PMEL: variants seen among roughly 807,000 people sequenced by gnomAD.
PMEL encodes melanocyte protein PMEL.
A neutral mutation model predicts 64.9 loss-of-function variants in PMEL; 53 were observed. The observed-to-expected ratio is 0.82, with a 90% confidence interval of 0.66 to 1.03. PMEL has a LOEUF of 1.03. PMEL is among the 50% of genes least tolerant of loss of function. PMEL has a pLI of 0.00. For synonymous variants in PMEL, 299 were observed against 316.2 expected (o/e 0.95, Z 0.58); for missense variants, 716 against 814.9 (o/e 0.88, Z 1.48).
At chr12:55,958,395 G>T in intron 4 of PMEL, 78 bp downstream of exon 4, 1 of 1,419,910 alleles carries the variant, frequency 7.0e-7, no homozygotes. Context: ...AGGTGGAAGG[G>T]GCGGCCAAAA....
intron 3 of PMEL, among the ~76,000 whole-genome samples, chr12:55,960,368 G>A: frequency 6.6e-6 from 1 of 151,274 alleles, no homozygotes. Flanking sequence ...TCCACTTTAG[G>A]GACTGTAATT....
In PMEL at chr12:55,954,132, ATAG is replaced by A; in HGVS notation, c.*79_*81del. ...AGGCTCTGAGTATTTATTTCAGTTA[ATAG>A]TAGTCTCCCAGGGAAGACTGGGGGA... On this transcript the variant is annotated 3_prime_UTR_variant, in exon 11 of 11. Transcript: ENST00000548747. 7.6e-7 allele frequency: 1 copy of A among 1,321,112 alleles called. No individual in the cohort carries two copies. The highest frequency in any genetic ancestry group is 1.0e-6 in the Non-Finnish European group (1 of 954,158). 81.8% of individuals were successfully genotyped at this position (1,321,112 alleles called of 1,614,324 possible).
At chr12:55,958,429 G>A in intron 4 of PMEL, 44 bp downstream of exon 4, 1 of 1,587,328 alleles carries the variant, frequency 6.3e-7, no homozygotes, top group Non-Finnish European at 8.6e-7. Flanking sequence ...GTAGAAAGAA[G>A]TAAACACAAG....
intron 1 of PMEL, among the ~76,000 whole-genome samples, chr12:55,962,853 T>A (rs1889158438): frequency 6.6e-6 from 1 of 151,444 alleles, no homozygotes; most frequent in African/African-American, 2.4e-5. Context: ...AATCAAGACA[T>A]AATTCACATA....
chr12:55,961,143 T>C (rs1889087007), intron 3 of PMEL, 174 bp downstream of exon 3: 4 of 556,628 alleles, frequency 7.2e-6, no homozygotes, highest in South Asian at 4.2e-5. Flanking sequence ...AGGCAGAGCT[T>C]GCAGTGAGCC....
chr12:55,965,232 C>G (rs531582813), intron 1 of PMEL, among the ~76,000 whole-genome samples: 1 of 152,266 alleles, frequency 6.6e-6, no homozygotes, highest in South Asian at 2.1e-4. Flanking sequence ...CGGCCTCATT[C>G]CCTTTCTAAT....
In PMEL at chr12:55,965,971, AC is replaced by A. The variant is rs1371670137; in HGVS notation, c.40del (p.Val14Ter). ...CCCCACAGCCAGCAAAGCACCTATC[AC>A]AGCCAAATGAAGAAGGCATCTTTTT... is the stretch of plus-strand genomic sequence containing the variant. The part of the protein sequence containing the change: ...VLKRCLLHLA[V>X]IGALLAVGAT... On this transcript the variant is annotated frameshift_variant, in exon 1 of 11. Transcript: ENST00000548747. LOFTEE classifies it high-confidence loss of function. The A allele has an allele frequency of 6.2e-7, 1 of 1,614,088 alleles. No homozygotes were observed. Among genetic ancestry groups the A allele is most frequent in the African/African-American group, 1.3e-5 (1 of 74,928 alleles).
At position 55,965,942 on chromosome 12, in the gene PMEL, T is replaced by G; in HGVS notation, c.70A>C (p.Thr24Pro). Residue 24 changes from threonine (T) to proline (P), a missense_variant, in exon 1 of 11, where the codon ACA becomes CCA. Coordinates refer to ENST00000548747, the MANE Select transcript of PMEL (RefSeq NM_001384361.1). ...VIGALLAVGA[T>P]KVPRNQDWLG... ...TCCACATATCCACACATACCTTTTG[T>G]AGCCCCCACAGCCAGCAAAGCACCT... 6.2e-7 allele frequency: 1 copy of G among 1,614,224 alleles called. No homozygotes were observed. The highest frequency in any genetic ancestry group is 1.1e-5 in the South Asian group (1 of 91,084).
chr12:55,954,420 G>A, intron 10 of PMEL, 71 bp from the exon 11 acceptor site: 1 of 1,518,896 alleles, frequency 6.6e-7, no homozygotes. Flanking sequence ...CTCCAAAGAA[G>A]GGAACACACC....
Position 55,957,364 on chromosome 12 carries a change from G to C in PMEL, c.939C>G (p.His313Gln). Reference protein sequence around the residue: ...SSPVPGTTDGHRPTAEAPNTT... With the variant: ...SSPVPGTTDGQRPTAEAPNTT... ...TGTTAGGGGCCTCTGCAGTTGGCCT[G>C]TGCCCATCTGTGGTGCCTGGAACTG... The change falls in exon 6 of 11, where the codon CAC becomes CAG. Residue 313 changes from histidine to glutamine, a missense_variant. Physicochemically the swap from His to Gln is conservative, Grantham distance 24. Transcript: ENST00000548747. The C allele has an allele frequency of 1.3e-6, 2 of 1,595,744 alleles. No homozygotes were observed. The highest frequency in any genetic ancestry group is 8.5e-7 in the Non-Finnish European group (1 of 1,169,598).
upstream of PMEL, chr12:55,966,083 C>T: frequency 1.9e-6 from 3 of 1,612,122 alleles, no homozygotes; most frequent in Non-Finnish European, 2.5e-6. Context: ...AAAGGGTGCT[C>T]ATTTGCATAG....
upstream of PMEL, chr12:55,966,613 T>TG: frequency 1.0e-6 from 1 of 973,020 alleles, no homozygotes; most frequent in Non-Finnish European, 1.2e-6. Context: ...AGCAGGTACT[T>TG]GGGAAGAGTG....
At chr12:55,957,895 C>A (rs185754880) in intron 5 of PMEL, 28 bp downstream of exon 5, 2 of 1,611,980 alleles carry the variant, frequency 1.2e-6, no homozygotes, top group African/African-American at 2.7e-5. Context: ...TGCCCTACAA[C>A]TGGCCTTGCC....
At chr12:55,966,059 G>T (rs370098660), upstream of PMEL, 1 of 1,613,744 alleles carries the variant, frequency 6.2e-7, no homozygotes, top group African/African-American at 1.3e-5. Flanking sequence ...ACTGGGATAG[G>T]CCCCTATATA....
upstream of PMEL, chr12:55,966,183 T>G: frequency 4.1e-6 from 4 of 977,712 alleles, no homozygotes; most frequent in Non-Finnish European, 4.4e-6. Flanking sequence ...TCCCTAGACA[T>G]TGCTTTCCCA....
intron 7 of PMEL, 96 bp downstream of exon 7, chr12:55,956,007 T>C (rs563243897): frequency 9.1e-7 from 1 of 1,097,294 alleles, no homozygotes; most frequent in Admixed American, 1.7e-5. Flanking sequence ...ATTCTTCCTA[T>C]CTAGGTGAGT....
rs146602879 is a variant in PMEL, at chr12:55,954,239, G to A, written c.1961C>T (p.Pro654Leu). 1 of 1,613,598 alleles carries A rather than the reference G, an allele frequency of 6.2e-7. No homozygotes were observed. The highest frequency in any genetic ancestry group is 1.3e-5 in the African/African-American group (1 of 75,028). Residue 654 changes from proline (P) to leucine (L), a missense_variant, in exon 11 of 11, where the codon CCC (proline) becomes CTC (leucine). Coordinates refer to ENST00000548747, the MANE Select transcript of PMEL (RefSeq NM_001384361.1). ...TCAGACCTGCTGCCCACTGAGGAGGGGGCTGTTCTCACCAATGGGACAAGA... is the reference window on the plus strand; with the variant it reads ...TCAGACCTGCTGCCCACTGAGGAGGAGGCTGTTCTCACCAATGGGACAAGA... ...FCSCPIGENSPLLSGQQV is the reference protein window; with the variant it reads ...FCSCPIGENSLLLSGQQV
chr12:55,954,244 G>A lies in PMEL; in HGVS notation c.1956C>T (p.Asn652=), dbSNP rs1052206. Residue 652 remains asparagine, a synonymous_variant, in exon 11 of 11, where the codon AAC becomes AAT. Coordinates refer to ENST00000548747, the MANE Select transcript of PMEL (RefSeq NM_001384361.1). Reference sequence around the variant, plus strand: ...CCTGCTGCCCACTGAGGAGGGGGCTGTTCTCACCAATGGGACAAGAGCAGA... The same window carrying A: ...CCTGCTGCCCACTGAGGAGGGGGCTATTCTCACCAATGGGACAAGAGCAGA... ...RIFCSCPIGE[N]SPLLSGQQV The A allele has an allele frequency of 0.79, 1,273,626 of 1,612,638 alleles. 506,427 individuals are homozygous for A. Among genetic ancestry groups the A allele is most frequent in the Middle Eastern group, 0.86 (5,224 of 6,054 alleles).
At chr12:55,960,804 C>G (rs530526463) in intron 3 of PMEL, among the ~76,000 whole-genome samples, 1 of 150,534 alleles carries the variant, frequency 6.6e-6, no homozygotes, top group East Asian at 2.0e-4. Context: ...GCCTCGGCCT[C>G]CCGAAGTGCT....
Sources: gnomAD v4.1 joint callset for allele counts (sites outside exome capture counted in the v4.1 genomes callset) on GRCh38, gnomAD v4.1.1 for gene constraint, MANE v1.5 for transcripts, NCBI Gene and HGNC (gene_info 2026-07-23, HGNC 2026-07-21) for gene names.